The following SLC8A3 variants were observed in gnomAD, a reference collection of about 807,000 sequenced individuals.
SLC8A3 encodes solute carrier family 8 member A3.
Under a neutral mutation model 65.4 loss-of-function variants are expected in SLC8A3, and 37 were observed. The observed-to-expected ratio is 0.57, with a 90% confidence interval of 0.44 to 0.74. The LOEUF is 0.74. SLC8A3 is among the 30% of genes least tolerant of loss of function. The pLI, the probability that SLC8A3 is intolerant of heterozygous loss-of-function variation, is 0.00. For missense variants in SLC8A3, 1,112 were observed against 1,172.1 expected (o/e 0.95, Z 0.75); for synonymous variants, 461 against 444.5 (o/e 1.04, Z -0.47).
Position 70,127,798 on chromosome 14 carries a change from C to T in SLC8A3, c.1784+38841G>A, listed in dbSNP as rs751297581. The stretch of plus-strand genomic sequence containing the variant: ...TGATGGTTTGTGCCCAGGTCTGAAG[C>T]GTATTGTGAGGAGAAAGAATAGCAC... On this transcript the variant is annotated intron_variant, in intron 2 of 6. Coordinates refer to ENST00000356921, the MANE Select transcript of SLC8A3 (RefSeq NM_182932.3). 1.3e-4 allele frequency among the ~76,000 whole-genome samples: 20 copies of T among 152,224 alleles called. No individual in the cohort carries two copies. The South Asian group carries it at 1.7e-3, about 13-fold the overall frequency.
chr14:70,046,474 G>A lies in SLC8A3; in HGVS notation c.2390-151C>T. 1.3e-6 allele frequency: 1 copy of A among 750,558 alleles called. No individual in the cohort carries two copies. The highest frequency in any genetic ancestry group is 2.7e-5 in the East Asian group (1 of 37,086). 46.5% of individuals were successfully genotyped at this position (750,558 alleles called of 1,614,324 possible). Reference sequence around the variant, plus strand: ...GGGGCCACTCCTAACTCCTAGTTCTGCCGCAAGCAAGCCGTGTGGCCCTGG... The same window carrying A: ...GGGGCCACTCCTAACTCCTAGTTCTACCGCAAGCAAGCCGTGTGGCCCTGG... On this transcript the variant is annotated intron_variant, in intron 6 of 6. Coordinates refer to ENST00000356921, the MANE Select transcript of SLC8A3 (RefSeq NM_182932.3). The surrounding 1 kb of genome is among the most constrained non-coding windows in gnomAD (Gnocchi z 4.2).
intron 2 of SLC8A3, among the ~76,000 whole-genome samples, chr14:70,093,605 C>T (rs1052327005): frequency 6.6e-6 from 1 of 152,188 alleles, no homozygotes; most frequent in Non-Finnish European, 1.5e-5. Flanking sequence ...GCTGATGGGC[C>T]GGCTTTGATA....
intron 2 of SLC8A3, among the ~76,000 whole-genome samples, chr14:70,100,434 C>T (rs980777519): frequency 3.9e-5 from 6 of 152,154 alleles, no homozygotes; most frequent in East Asian, 1.9e-4. Flanking sequence ...TGATTTTTGA[C>T]GTAGTCTTTA....
At chr14:70,162,756 G>A (rs1409079888) in intron 2 of SLC8A3, among the ~76,000 whole-genome samples, 1 of 152,174 alleles carries the variant, frequency 6.6e-6, no homozygotes, top group Admixed American at 6.5e-5. Context: ...TATAGTGATG[G>A]TTGCAAAGGT....
At chr14:70,139,736 G>A (rs1358585883) in intron 2 of SLC8A3, among the ~76,000 whole-genome samples, 4 of 152,200 alleles carry the variant, frequency 2.6e-5, no homozygotes, top group Non-Finnish European at 5.9e-5. Flanking sequence ...ACAAGGTGAT[G>A]CCCCCGGGAG....
intron 1 of SLC8A3, among the ~76,000 whole-genome samples, chr14:70,177,346 G>A (rs1381447793): frequency 1.3e-5 from 2 of 152,162 alleles, no homozygotes; most frequent in Middle Eastern, 3.2e-3. Flanking sequence ...TGAGTAATAT[G>A]AACAAAATAT....
At chr14:70,174,169 A>G (rs1308497276) in intron 1 of SLC8A3, among the ~76,000 whole-genome samples, 1 of 152,210 alleles carries the variant, frequency 6.6e-6, no homozygotes, top group Non-Finnish European at 1.5e-5. Context: ...CCTAGGTTTG[A>G]GCGCCCCTTC....
chr14:70,100,718 A>G (rs1488183445), intron 2 of SLC8A3, among the ~76,000 whole-genome samples: 4 of 152,248 alleles, frequency 2.6e-5, no homozygotes, highest in African/African-American at 9.6e-5. Context: ...GAGGGATTAT[A>G]CTTTGCACAC....
chr14:70,079,363 C>T (rs936031052), intron 2 of SLC8A3, among the ~76,000 whole-genome samples: 27 of 148,028 alleles, frequency 1.8e-4, no homozygotes, highest in Non-Finnish European at 1.0e-4. Flanking sequence ...ATCAGCCAGG[C>T]GTGGTGGTGC....
In SLC8A3 at chr14:70,060,873, G is replaced by T; in HGVS notation, c.1851C>A (p.Ala617=). The T allele has an allele frequency of 6.5e-7, 1 of 1,533,286 alleles. No homozygotes were observed. The highest frequency in any genetic ancestry group is 8.7e-7 in the Non-Finnish European group (1 of 1,143,240). The allele number at this position is 1,533,286 out of a possible 1,614,324, so 95.0% of individuals were successfully genotyped here. The change falls in exon 3 of 7, where the codon GCC becomes GCA. Residue 617 remains alanine, a synonymous_variant. Transcript: ENST00000356921. Reference sequence around the variant, plus strand: ...GTTCCATCCATTTCGGTTCACCAAGGGCAATGAAGAAATTCTCTTGCCTTT... The same window carrying T: ...GTTCCATCCATTTCGGTTCACCAAGTGCAATGAAGAAATTCTCTTGCCTTT... ...EYERQENFFI[A]LGEPKWMERG...
chr14:70,123,869 C>G (rs1373355014), intron 2 of SLC8A3, among the ~76,000 whole-genome samples: 2 of 152,202 alleles, frequency 1.3e-5, no homozygotes, highest in African/African-American at 4.8e-5. Flanking sequence ...CTTAACCATC[C>G]TCAAATGTTA....
At position 70,167,266 on chromosome 14, in the gene SLC8A3, A is replaced by G; in HGVS notation, c.1157T>C (p.Val386Ala). Reference sequence around the variant, plus strand: ...AAAGTCCTCAGGCTCATCGGTGTGCACCTCGCTCATGCTGGAGGCCTTCTT... The same window carrying G: ...AAAGTCCTCAGGCTCATCGGTGTGCGCCTCGCTCATGCTGGAGGCCTTCTT... The part of the protein sequence containing the change: ...QAKKASSMSE[V>A]HTDEPEDFIS... The change falls in exon 2 of 7, where the codon GTG becomes GCG. Residue 386 changes from valine to alanine, a missense_variant. Coordinates refer to ENST00000356921, the MANE Select transcript of SLC8A3 (RefSeq NM_182932.3). 1 of 1,614,116 alleles carries G rather than the reference A, an allele frequency of 6.2e-7. No homozygotes were observed. Among genetic ancestry groups the G allele is most frequent in the Non-Finnish European group, 8.5e-7 (1 of 1,180,020 alleles).
intron 2 of SLC8A3, among the ~76,000 whole-genome samples, chr14:70,075,989 C>T (rs896759347): frequency 6.6e-6 from 1 of 152,182 alleles, no homozygotes; most frequent in Non-Finnish European, 1.5e-5. Flanking sequence ...CTGCTGGCTC[C>T]AGAACCACAG....
In SLC8A3 at chr14:70,167,914, A is replaced by G; in HGVS notation, c.509T>C (p.Ile170Thr). ...FIAGDLGPSTIVGSAAFNMFI... is the reference protein window; with the variant it reads ...FIAGDLGPSTTVGSAAFNMFI... Reference sequence around the variant, plus strand: ...CATGTTGAAGGCTGCACTCCCTACAATGGTAGAAGGTCCCAGATCACCAGC... The same window carrying G: ...CATGTTGAAGGCTGCACTCCCTACAGTGGTAGAAGGTCCCAGATCACCAGC... The change falls in exon 2 of 7, where the codon ATT becomes ACT. Residue 170 changes from isoleucine (I) to threonine (T), a missense_variant. Coordinates refer to ENST00000356921, the MANE Select transcript of SLC8A3 (RefSeq NM_182932.3). 1 of 1,614,148 alleles carries G rather than the reference A, an allele frequency of 6.2e-7. No individual in the cohort carries two copies. The highest frequency in any genetic ancestry group is 1.3e-5 in the African/African-American group (1 of 75,020).
chr14:70,075,254 C>A (rs1256929549), intron 2 of SLC8A3, among the ~76,000 whole-genome samples: 3 of 152,158 alleles, frequency 2.0e-5, no homozygotes, highest in African/African-American at 7.2e-5. Context: ...CGTTCTCAGC[C>A]TTTCGGGCTC....
At position 70,075,879 on chromosome 14, in the gene SLC8A3, A is replaced by G. The variant is rs569625183; in HGVS notation, c.1785-14940T>C. On this transcript the variant is annotated intron_variant, in intron 2 of 6. Transcript: ENST00000356921. ...CTCGGAATCATCTGGAGGGCTCGAT[A>G]AAACACAATGAGGTGCCCCATCCCA... 7.2e-5 allele frequency among the ~76,000 whole-genome samples: 11 copies of G among 152,308 alleles called. No homozygotes were observed. The South Asian group carries it at 1.5e-3, about 20-fold the overall frequency.
chr14:70,169,614 C>A (rs1897369213), intron 1 of SLC8A3, among the ~76,000 whole-genome samples: 1 of 145,564 alleles, frequency 6.9e-6, no homozygotes, highest in Non-Finnish European at 1.5e-5. Flanking sequence ...CTATTATATA[C>A]TCATCTTACC....
At chr14:70,160,290 C>T (rs967913243) in intron 2 of SLC8A3, among the ~76,000 whole-genome samples, 1 of 152,042 alleles carries the variant, frequency 6.6e-6, no homozygotes, top group Non-Finnish European at 1.5e-5. Flanking sequence ...ACTAAAAATA[C>T]AAAAAGTAGC....
intron 2 of SLC8A3, among the ~76,000 whole-genome samples, chr14:70,117,926 G>A (rs935567208): frequency 5.9e-5 from 9 of 152,174 alleles, no homozygotes; most frequent in Non-Finnish European, 1.2e-4. Flanking sequence ...CTTTGCCACT[G>A]AATCCACAGT....
Sources: gnomAD v4.1 joint callset for allele counts (sites outside exome capture counted in the v4.1 genomes callset) on GRCh38, gnomAD v4.1.1 for gene constraint, Gnocchi (gnomAD v3.1) non-coding constraint, MANE v1.5 for transcripts, NCBI Gene and HGNC (gene_info 2026-07-23, HGNC 2026-07-21) for gene names.